The following LRRC4C variants were observed in gnomAD, a reference collection of about 807,000 sequenced individuals.
LRRC4C encodes the protein leucine rich repeat containing 4C.
LRRC4C carries 5 observed loss-of-function variants against 33.6 expected under a neutral mutation model. The observed-to-expected ratio is 0.15, with a 90% confidence interval of 0.08 to 0.31. The LOEUF (loss-of-function observed/expected upper bound fraction) is 0.31. Among genes scored for constraint, LRRC4C ranks in the 10% least tolerant of loss-of-function variants. The probability of loss-of-function intolerance (pLI) is 1.00; values close to 1 mark genes in which losing one functional copy is unlikely to be tolerated. For synonymous variants in LRRC4C, 329 were observed against 302.0 expected (o/e 1.09, Z -0.93); for missense variants, 560 against 796.7 (o/e 0.70, Z 3.58).
At chr11:40,438,706 A>G (rs1835051536) in intron 3 of LRRC4C, among the ~76,000 whole-genome samples, 1 of 152,198 alleles carries the variant, frequency 6.6e-6, no homozygotes, top group Non-Finnish European at 1.5e-5. Context: ...ATAAATGCAT[A>G]TATTTCTTGC....
chr11:40,504,850 G>A (rs60815960), intron 3 of LRRC4C, among the ~76,000 whole-genome samples: 9,806 of 152,106 alleles, frequency 0.064, 822 homozygotes, highest in African/African-American at 0.2. Flanking sequence ...GAATTTTCTG[G>A]CTCTGTCTTA....
chr11:41,233,108 A>G (rs1947873558), intron 1 of LRRC4C, among the ~76,000 whole-genome samples: 1 of 152,114 alleles, frequency 6.6e-6, no homozygotes, highest in Admixed American at 6.6e-5. Context: ...ATAAATGTTT[A>G]GAGAATTTTC....
At chr11:40,975,454 T>A (rs1852016902) in intron 1 of LRRC4C, among the ~76,000 whole-genome samples, 1 of 152,232 alleles carries the variant, frequency 6.6e-6, no homozygotes, top group African/African-American at 2.4e-5. Context: ...TTCTCAATGC[T>A]CTTTCTTCAG....
At chr11:40,595,471 A>G (rs560765833) in intron 3 of LRRC4C, among the ~76,000 whole-genome samples, 2 of 152,154 alleles carry the variant, frequency 1.3e-5, no homozygotes, top group Middle Eastern at 3.4e-3. Context: ...CACCTAAACC[A>G]ACATCCTTGG....
chr11:40,959,365 C>A (rs570043418), intron 1 of LRRC4C, among the ~76,000 whole-genome samples: 1 of 151,740 alleles, frequency 6.6e-6, no homozygotes, highest in Non-Finnish European at 1.5e-5. Flanking sequence ...TTCCATGTCC[C>A]TGGAACAATC....
chr11:40,439,002 T>C (rs61886173), intron 3 of LRRC4C, among the ~76,000 whole-genome samples: 57,463 of 144,140 alleles, frequency 0.4, 11,941 homozygotes, highest in East Asian at 0.55. Context: ...ATGATCTCGG[T>C]TCACTGCAAC....
At chr11:41,071,440 A>C (rs1261596970) in intron 1 of LRRC4C, among the ~76,000 whole-genome samples, 1 of 152,106 alleles carries the variant, frequency 6.6e-6, no homozygotes, top group Non-Finnish European at 1.5e-5. Flanking sequence ...AAATAAAATA[A>C]AATGCCTAAA....
intron 4 of LRRC4C, among the ~76,000 whole-genome samples, chr11:40,248,511 G>A (rs1007531416): frequency 6.6e-6 from 1 of 152,032 alleles, no homozygotes; most frequent in African/African-American, 2.4e-5. Flanking sequence ...AGGAAGTATC[G>A]TTTGAGGCCA....
intron 3 of LRRC4C, among the ~76,000 whole-genome samples, chr11:40,329,976 C>G (rs1325367348): frequency 6.6e-6 from 1 of 151,938 alleles, no homozygotes; most frequent in South Asian, 2.1e-4. Flanking sequence ...CTCCTGACCT[C>G]GTGATCCACC....
chr11:40,768,304 G>A (rs1462220193), intron 2 of LRRC4C, among the ~76,000 whole-genome samples: 1 of 152,012 alleles, frequency 6.6e-6, no homozygotes, highest in East Asian at 1.9e-4. Flanking sequence ...AACAATTAAT[G>A]TGATTAAAGA....
intron 1 of LRRC4C, among the ~76,000 whole-genome samples, chr11:40,970,175 G>A (rs1486558113): frequency 6.6e-6 from 1 of 152,090 alleles, no homozygotes; most frequent in Non-Finnish European, 1.5e-5. Context: ...ACCAAGAGAT[G>A]GTAATTGATA....
intron 1 of LRRC4C, among the ~76,000 whole-genome samples, chr11:41,051,907 T>G (rs1456786809): frequency 6.6e-6 from 1 of 152,188 alleles, no homozygotes; most frequent in Non-Finnish European, 1.5e-5. Flanking sequence ...TTTGAAAGAT[T>G]ATCATATATT....
intron 2 of LRRC4C, among the ~76,000 whole-genome samples, chr11:40,754,501 G>A (rs974809742): frequency 7.9e-5 from 12 of 152,078 alleles, no homozygotes; most frequent in African/African-American, 2.7e-4. Context: ...GTTATGTTCA[G>A]CGTCTTGTTG....
At chr11:40,911,245 G>A (rs111301988) in intron 2 of LRRC4C, among the ~76,000 whole-genome samples, 117 of 152,278 alleles carry the variant, frequency 7.7e-4, no homozygotes, top group African/African-American at 2.5e-3. Context: ...TACAGACTGC[G>A]TCCTCAAGAG....
At chr11:41,016,825 T>A (rs1372126681) in intron 1 of LRRC4C, among the ~76,000 whole-genome samples, 2 of 152,174 alleles carry the variant, frequency 1.3e-5, no homozygotes, top group Non-Finnish European at 2.9e-5. Flanking sequence ...GAATTGATTT[T>A]CTTCCAGAGG....
At chr11:40,843,252 T>C (rs1356473834) in intron 2 of LRRC4C, among the ~76,000 whole-genome samples, 1 of 152,156 alleles carries the variant, frequency 6.6e-6, no homozygotes, top group African/African-American at 2.4e-5. Context: ...ATTTGATATC[T>C]GGACTTACTC....
chr11:40,190,745 T>C (rs1861770399), intron 5 of LRRC4C, among the ~76,000 whole-genome samples: 1 of 152,164 alleles, frequency 6.6e-6, no homozygotes, highest in Admixed American at 6.5e-5. Context: ...ATTTCTTGAA[T>C]AAGCAAATAG....
At chr11:40,748,562 G>T (rs1220124432) in intron 2 of LRRC4C, among the ~76,000 whole-genome samples, 1 of 151,756 alleles carries the variant, frequency 6.6e-6, no homozygotes, top group Non-Finnish European at 1.5e-5. Flanking sequence ...CAAATGATAA[G>T]ATAAAAAGAA....
intron 2 of LRRC4C, among the ~76,000 whole-genome samples, chr11:40,894,633 A>G (rs1171724131): frequency 6.6e-6 from 1 of 152,142 alleles, no homozygotes; most frequent in African/African-American, 2.4e-5. Flanking sequence ...AATAGATCAA[A>G]ATGCCTTACA....
Sources: gnomAD v4.1 joint callset for allele counts (sites outside exome capture counted in the v4.1 genomes callset) on GRCh38, gnomAD v4.1.1 for gene constraint, MANE v1.5 for transcripts, NCBI Gene and HGNC (gene_info 2026-07-23, HGNC 2026-07-21) for gene names.